The following KHDRBS2 variants were observed in gnomAD, a reference collection of about 807,000 sequenced individuals.
The protein encoded by KHDRBS2 is KH RNA binding domain containing, signal transduction associated 2, also known as KH domain-containing, RNA-binding, signal transduction-associated protein 2.
Under a neutral mutation model 44.3 loss-of-function variants are expected in KHDRBS2, and 26 were observed. The ratio of observed to expected loss-of-function variants is 0.59; its 90% CI spans 0.43 to 0.81. The LOEUF is 0.81. Ranked by LOEUF, KHDRBS2 falls within the 40% of genes least tolerant of loss-of-function variation. The probability of loss-of-function intolerance (pLI) is 0.00; values close to 1 mark genes in which losing one functional copy is unlikely to be tolerated. For missense variants in KHDRBS2, 476 were observed against 433.1 expected (o/e 1.10, Z -0.88); for synonymous variants, 194 against 151.1 (o/e 1.28, Z -2.08).
At chr6:61,609,855 T>A in the KHDRBS2 span, among the ~76,000 whole-genome samples, 1 of 152,188 alleles carries the variant, frequency 6.6e-6, no homozygotes. Context: ...GGAATACTAA[T>A]CTTTCACGAT....
At chr6:61,773,835 G>A (rs960665891) in intron 6 of KHDRBS2, among the ~76,000 whole-genome samples, 3 of 150,112 alleles carry the variant, frequency 2.0e-5, no homozygotes, top group African/African-American at 7.4e-5. Flanking sequence ...GTGTAAGGAA[G>A]GGATCCAGTT....
chr6:62,132,066 A>C (rs1205259157), intron 2 of KHDRBS2, among the ~76,000 whole-genome samples: 1 of 152,164 alleles, frequency 6.6e-6, no homozygotes, highest in Non-Finnish European at 1.5e-5. Context: ...AATATCTTAC[A>C]CTTTAATAGT....
chr6:61,868,735 C>G lies in KHDRBS2; in HGVS notation c.810+25900G>C, dbSNP rs983156970. On this transcript the variant is annotated intron_variant, in intron 6 of 8. Coordinates refer to ENST00000281156, the MANE Select transcript of KHDRBS2 (RefSeq NM_152688.4). ...TAAAGGTGGCAGCCCACCCCTCCCCCACCAAGGAGTTGGGTCCAGTCTCAG... is the reference window on the plus strand; with the variant it reads ...TAAAGGTGGCAGCCCACCCCTCCCCGACCAAGGAGTTGGGTCCAGTCTCAG... 2.6e-5 allele frequency among the ~76,000 whole-genome samples: 4 copies of G among 152,292 alleles called. No homozygotes were observed. In the East Asian group the frequency reaches 7.7e-4, roughly 29 times the overall value.
intron 7 of KHDRBS2, among the ~76,000 whole-genome samples, chr6:61,704,697 C>A (rs558861802): frequency 4.0e-5 from 6 of 151,758 alleles, no homozygotes; most frequent in Admixed American, 3.3e-4. Flanking sequence ...GGTCACTCTG[C>A]GGGCAGTGTC....
intron 1 of KHDRBS2, among the ~76,000 whole-genome samples, chr6:62,199,024 A>C (rs1475578535): frequency 6.6e-6 from 1 of 152,208 alleles, no homozygotes; most frequent in Non-Finnish European, 1.5e-5. Context: ...AAGGCGTTAG[A>C]CAAAATTCAA....
intron 1 of KHDRBS2, among the ~76,000 whole-genome samples, chr6:62,193,979 C>T (rs779748135): frequency 1.3e-5 from 2 of 152,092 alleles, no homozygotes; most frequent in Non-Finnish European, 1.5e-5. Context: ...ATAAGAGCCC[C>T]TTATCAGAAA....
chr6:61,747,718 T>G (rs991249600), intron 6 of KHDRBS2, among the ~76,000 whole-genome samples: 13 of 152,184 alleles, frequency 8.5e-5, no homozygotes, highest in Admixed American at 2.6e-4. Flanking sequence ...ATTGTTTTGG[T>G]ATTCTTATCA....
intron 4 of KHDRBS2, among the ~76,000 whole-genome samples, chr6:61,977,764 T>TACAA (rs1193789121): frequency 6.6e-6 from 1 of 152,140 alleles, no homozygotes; most frequent in African/African-American, 2.4e-5. Context: ...TAAAAAAGTA[T>TACAA]ACAACTTCAA....
intron 2 of KHDRBS2, among the ~76,000 whole-genome samples, chr6:62,075,462 C>T (rs1320105217): frequency 6.6e-6 from 1 of 151,926 alleles, no homozygotes; most frequent in Non-Finnish European, 1.5e-5. Flanking sequence ...ACTAAAACAT[C>T]CTGGTATACC....
In KHDRBS2 at chr6:61,979,118, C is replaced by T. The variant is rs924769993; in HGVS notation, c.337-906G>A. ...ACTAAGTATTTTATACATATCATCTCTAATCAAAATCATTTTGTACATATT... is the reference window on the plus strand; with the variant it reads ...ACTAAGTATTTTATACATATCATCTTTAATCAAAATCATTTTGTACATATT... On this transcript the variant is annotated intron_variant, in intron 3 of 8. Coordinates refer to ENST00000281156, the MANE Select transcript of KHDRBS2 (RefSeq NM_152688.4). Among the ~76,000 whole-genome samples, 4 of 152,002 alleles carry T rather than the reference C, an allele frequency of 2.6e-5. No homozygotes were observed. In the East Asian group the frequency reaches 7.7e-4, roughly 29 times the overall value.
chr6:61,559,747 C>T, the KHDRBS2 span, among the ~76,000 whole-genome samples: 160 of 152,258 alleles, frequency 1.1e-3, no homozygotes, highest in African/African-American at 3.7e-3. Context: ...TTTGTTGTTT[C>T]TCTTCATATC....
At chr6:62,040,488 G>A (rs1396017057) in intron 3 of KHDRBS2, among the ~76,000 whole-genome samples, 4 of 152,006 alleles carry the variant, frequency 2.6e-5, no homozygotes, top group Non-Finnish European at 5.9e-5. Context: ...CATGAATACA[G>A]CTTGCATCTC....
intron 2 of KHDRBS2, 98 bp downstream of exon 2, chr6:62,177,087 C>A (rs1022388037): frequency 8.7e-5 from 66 of 760,776 alleles, no homozygotes; most frequent in Middle Eastern, 4.1e-4. Context: ...CATTATGAAG[C>A]TTCAAATATT....
At chr6:62,027,713 C>A (rs1270533853) in intron 3 of KHDRBS2, among the ~76,000 whole-genome samples, 10 of 152,152 alleles carry the variant, frequency 6.6e-5, no homozygotes, top group Middle Eastern at 6.8e-3. Context: ...GCCATAATAA[C>A]CCAAAAGGAC....
At position 61,788,813 on chromosome 6, in the gene KHDRBS2, A is replaced by G. The variant is rs965696052; in HGVS notation, c.811-56049T>C. Among the ~76,000 whole-genome samples the G allele has an allele frequency of 2.3e-3, 341 of 151,318 alleles. 2 individuals carry two copies. Among genetic ancestry groups the G allele is most frequent in the African/African-American group, 8.0e-3 (332 of 41,486 alleles). On this transcript the variant is annotated intron_variant, in intron 6 of 8. Coordinates refer to ENST00000281156, the MANE Select transcript of KHDRBS2 (RefSeq NM_152688.4). The stretch of plus-strand genomic sequence containing the variant: ...CTAGGAAGTAAAATGTTCATAGATT[A>G]TATTTATAAATATTATATATCATGA...
At chr6:62,109,064 T>G (rs1192490) in intron 2 of KHDRBS2, among the ~76,000 whole-genome samples, 2 of 151,350 alleles carry the variant, frequency 1.3e-5, no homozygotes, top group Non-Finnish European at 2.9e-5. Flanking sequence ...AACCTGCACA[T>G]TGTGCACATG....
intron 1 of KHDRBS2, among the ~76,000 whole-genome samples, chr6:62,178,685 T>A (rs1000625806): frequency 6.6e-6 from 1 of 151,528 alleles, no homozygotes; most frequent in Non-Finnish European, 1.5e-5. Flanking sequence ...TTTGGAGAAT[T>A]GTTAAAAATT....
chr6:62,270,446 C>T (rs1839909998), intron 1 of KHDRBS2, among the ~76,000 whole-genome samples: 1 of 151,460 alleles, frequency 6.6e-6, no homozygotes. Flanking sequence ...ATTATGCTTC[C>T]TGTGAGGCCT....
intron 7 of KHDRBS2, among the ~76,000 whole-genome samples, chr6:61,729,685 A>C (rs905621754): frequency 3.9e-5 from 6 of 152,240 alleles, no homozygotes; most frequent in Admixed American, 2.0e-4. Flanking sequence ...CAATTTTCCT[A>C]ATGAATAATG....
Sources: allele counts gnomAD v4.1 joint callset (sites outside exome capture counted in the v4.1 genomes callset), GRCh38; gene constraint gnomAD v4.1.1; transcripts MANE v1.5; gene names NCBI Gene and HGNC (gene_info 2026-07-23, HGNC 2026-07-21).